The following ANO10 variants were observed in gnomAD, a reference collection of about 807,000 sequenced individuals.
ANO10 encodes anoctamin-10.
In ANO10, 77 loss-of-function variants were observed where a neutral mutation model predicts 74.7. That is an observed-to-expected ratio of 1.03 (90% CI 0.86 to 1.25). The LOEUF is 1.25. Ranked by LOEUF, ANO10 falls within the 50% of genes most tolerant of loss-of-function variation. The pLI is 0.00. For synonymous variants in ANO10, 279 were observed against 284.9 expected (o/e 0.98, Z 0.21); for missense variants, 721 against 778.1 (o/e 0.93, Z 0.87).
At chr3:43,655,439 G>C (rs1422282926) in intron 1 of ANO10, among the ~76,000 whole-genome samples, 2 of 152,250 alleles carry the variant, frequency 1.3e-5, no homozygotes, top group Non-Finnish European at 2.9e-5. Flanking sequence ...GCAGTAGCAA[G>C]ATTTATTGCA....
chr3:43,552,443 G>C (rs1199888697), intron 10 of ANO10, among the ~76,000 whole-genome samples: 2 of 151,890 alleles, frequency 1.3e-5, no homozygotes, highest in Non-Finnish European at 2.9e-5. Flanking sequence ...AGTATTATAA[G>C]TTTTGCTTCA....
intron 4 of ANO10, among the ~76,000 whole-genome samples, chr3:43,588,654 G>A (rs1177807193): frequency 1.3e-5 from 2 of 151,186 alleles, no homozygotes; most frequent in African/African-American, 2.4e-5. Context: ...TACTGAAAGG[G>A]GCTGAAAGTA....
At chr3:43,372,922 T>G (rs889673716) in intron 12 of ANO10, 3 of 1,400,582 alleles carry the variant, frequency 2.1e-6, no homozygotes, top group Admixed American at 4.3e-5. Context: ...TGAAGCCTCT[T>G]TTTTTCATGC....
intron 12 of ANO10, among the ~76,000 whole-genome samples, chr3:43,374,776 T>C (rs560022925): frequency 5.2e-4 from 79 of 152,360 alleles, no homozygotes; most frequent in African/African-American, 1.4e-3. Flanking sequence ...AGGTTAACCC[T>C]ATCTTGATCT....
intron 7 of ANO10, among the ~76,000 whole-genome samples, chr3:43,569,008 C>A (rs1319341056): frequency 7.6e-6 from 1 of 131,116 alleles, no homozygotes; most frequent in African/African-American, 3.2e-5. Flanking sequence ...GGGGATATCA[C>A]CACCGATCCC....
At chr3:43,552,563 T>C (rs975802742) in intron 10 of ANO10, among the ~76,000 whole-genome samples, 2 of 151,678 alleles carry the variant, frequency 1.3e-5, no homozygotes, top group Non-Finnish European at 2.9e-5. Flanking sequence ...ATTTCTTCTT[T>C]CATAATTCCT....
At chr3:43,619,705 GA>G (rs376752785) in intron 1 of ANO10, among the ~76,000 whole-genome samples, 11,752 of 147,190 alleles carry the variant, frequency 0.08, 744 homozygotes, top group African/African-American at 0.17. Flanking sequence ...CAAAAAAAAA[GA>G]AAAAAAAAAT....
chr3:43,492,391 A>G (rs1432131294), intron 11 of ANO10, among the ~76,000 whole-genome samples: 4 of 152,236 alleles, frequency 2.6e-5, no homozygotes, highest in Admixed American at 6.5e-5. Context: ...CAAAGACTTC[A>G]TGTGTATAAC....
intron 1 of ANO10, among the ~76,000 whole-genome samples, chr3:43,606,901 ACATATATATGTG>A (rs2082590953): frequency 6.6e-6 from 1 of 152,156 alleles, no homozygotes. Context: ...ACACTCACAT[ACATATATATGTG>A]CATATATATG....
intron 11 of ANO10, among the ~76,000 whole-genome samples, chr3:43,435,612 C>T (rs2093055116): frequency 6.6e-6 from 1 of 152,038 alleles, no homozygotes; most frequent in Admixed American, 6.6e-5. Context: ...CAGATGGAAG[C>T]CTTCATCAAC....
chr3:43,620,018 G>T (rs2083307967), intron 1 of ANO10, among the ~76,000 whole-genome samples: 1 of 152,052 alleles, frequency 6.6e-6, no homozygotes, highest in Non-Finnish European at 1.5e-5. Context: ...TAAAACAAAG[G>T]TTTACTGCTT....
intron 12 of ANO10, among the ~76,000 whole-genome samples, chr3:43,389,294 T>G (rs1336597857): frequency 6.6e-6 from 1 of 152,266 alleles, no homozygotes; most frequent in African/African-American, 2.4e-5. Context: ...GCACAAGAGA[T>G]AAGCTGTTTG....
At chr3:43,691,078 G>T in intron 1 of ANO10, 1 of 1,512,924 alleles carries the variant, frequency 6.6e-7, no homozygotes. Flanking sequence ...TGTCTCCGGC[G>T]CGCACCCTCC....
At chr3:43,380,537 C>T (rs1295836552) in intron 12 of ANO10, among the ~76,000 whole-genome samples, 1 of 152,210 alleles carries the variant, frequency 6.6e-6, no homozygotes, top group African/African-American at 2.4e-5. Context: ...GGGGTCCTAT[C>T]TTTAGCCTCC....
At chr3:43,609,290 C>T (rs1007059690) in intron 1 of ANO10, among the ~76,000 whole-genome samples, 3 of 152,158 alleles carry the variant, frequency 2.0e-5, no homozygotes, top group African/African-American at 7.2e-5. Context: ...GAATTATCTA[C>T]CATACAACTC....
At chr3:43,450,099 G>A (rs567060460) in intron 11 of ANO10, among the ~76,000 whole-genome samples, 4 of 152,270 alleles carry the variant, frequency 2.6e-5, no homozygotes, top group Admixed American at 2.6e-4. Flanking sequence ...GCAGGTATAT[G>A]GGTAAGCAGT....
intron 9 of ANO10, among the ~76,000 whole-genome samples, chr3:43,558,197 A>G (rs1471743650): frequency 2.0e-5 from 3 of 152,324 alleles, no homozygotes; most frequent in Admixed American, 6.5e-5. Flanking sequence ...TGTCTTTTGA[A>G]AAATAATTAC....
chr3:43,490,729 C>G (rs774591955), intron 11 of ANO10, among the ~76,000 whole-genome samples: 3 of 152,082 alleles, frequency 2.0e-5, no homozygotes, highest in Non-Finnish European at 4.4e-5. Context: ...CAAATAGAAC[C>G]CAGAAGTGAA....
intron 11 of ANO10, among the ~76,000 whole-genome samples, chr3:43,547,707 C>G (rs545167456): frequency 6.6e-6 from 1 of 152,152 alleles, no homozygotes; most frequent in South Asian, 2.1e-4. Flanking sequence ...CTGTTTAACA[C>G]GAGACTAGCC....
Sources: allele counts gnomAD v4.1 joint callset (sites outside exome capture counted in the v4.1 genomes callset), GRCh38; gene constraint gnomAD v4.1.1; transcripts MANE v1.5; gene names NCBI Gene and HGNC (gene_info 2026-07-23, HGNC 2026-07-21).